The following MEI4 variants were observed in gnomAD, a reference collection of about 807,000 sequenced individuals.
MEI4 encodes the protein meiotic double-stranded break formation protein 4.
Under a neutral mutation model 31.4 loss-of-function variants are expected in MEI4, and 27 were observed. The observed-to-expected ratio is 0.86, with a 90% CI of 0.63 to 1.19. The LOEUF (loss-of-function observed/expected upper bound fraction) is 1.19. MEI4 is among the 50% of genes most tolerant of loss of function. The probability of loss-of-function intolerance (pLI) is 0.00; values close to 1 mark genes in which losing one functional copy is unlikely to be tolerated. For synonymous variants in MEI4, 122 were observed against 145.4 expected (o/e 0.84, Z 1.16); for missense variants, 329 against 398.9 (o/e 0.82, Z 1.49).
At chr6:77,906,362 C>T (rs1166927138) in intron 4 of MEI4, among the ~76,000 whole-genome samples, 1 of 152,008 alleles carries the variant, frequency 6.6e-6, no homozygotes, top group Non-Finnish European at 1.5e-5. Context: ...GTGTGTACAG[C>T]GGTGCTTGCT....
intron 3 of MEI4, among the ~76,000 whole-genome samples, chr6:77,798,644 C>G: frequency 9.5e-6 from 1 of 104,942 alleles, no homozygotes; most frequent in Non-Finnish European, 1.8e-5. Context: ...CCTCCCCCCT[C>G]CCCCCACCCC....
chr6:77,676,971 T>A (rs768547442), intron 1 of MEI4, among the ~76,000 whole-genome samples: 2 of 152,174 alleles, frequency 1.3e-5, no homozygotes, highest in African/African-American at 2.4e-5. Context: ...TTACACAGAA[T>A]GGTTATTAGA....
At chr6:77,694,661 G>T (rs34664919) in intron 2 of MEI4, among the ~76,000 whole-genome samples, 2 of 151,730 alleles carry the variant, frequency 1.3e-5, no homozygotes, top group African/African-American at 4.8e-5. Flanking sequence ...CCAGTCTATC[G>T]TTGTTGGACA....
intron 3 of MEI4, among the ~76,000 whole-genome samples, chr6:77,806,702 G>A (rs890946968): frequency 2.0e-5 from 3 of 152,144 alleles, no homozygotes; most frequent in Non-Finnish European, 4.4e-5. Context: ...TTTACTGAAT[G>A]TCTTAGATCA....
chr6:77,827,126 C>T (rs1769971425), intron 3 of MEI4, among the ~76,000 whole-genome samples: 1 of 151,936 alleles, frequency 6.6e-6, no homozygotes, highest in Non-Finnish European at 1.5e-5. Context: ...TTTGGGAGGC[C>T]AAGGCGGGCA....
intron 4 of MEI4, among the ~76,000 whole-genome samples, chr6:77,849,061 A>T (rs1029886434): frequency 1.3e-5 from 2 of 152,122 alleles, no homozygotes; most frequent in East Asian, 1.9e-4. Context: ...TTTTAATGGC[A>T]TCATTAGCAT....
intron 4 of MEI4, among the ~76,000 whole-genome samples, chr6:77,883,717 G>GAGATATATATATATATATAT (rs1554172068): frequency 2.3e-5 from 1 of 43,338 alleles, no homozygotes; most frequent in Non-Finnish European, 3.8e-5. Flanking sequence ...TATTATGTAA[G>GAGATATATATATATATATAT]ATATATATAT....
At chr6:77,659,928 G>C (rs1454685819) in intron 1 of MEI4, among the ~76,000 whole-genome samples, 1 of 152,136 alleles carries the variant, frequency 6.6e-6, no homozygotes, top group Non-Finnish European at 1.5e-5. Flanking sequence ...GTCCAAATAT[G>C]GGGGGAGTAG....
chr6:77,732,860 G>A (rs2127668575), intron 2 of MEI4, among the ~76,000 whole-genome samples: 1 of 151,954 alleles, frequency 6.6e-6, no homozygotes, highest in East Asian at 2.0e-4. Flanking sequence ...TTTGTCAAAG[G>A]CCTTTTGTGC....
chr6:77,684,235 C>G (rs754999571), intron 1 of MEI4, among the ~76,000 whole-genome samples: 1 of 151,936 alleles, frequency 6.6e-6, no homozygotes, highest in Non-Finnish European at 1.5e-5. Flanking sequence ...AATTTTAAAA[C>G]TCTTACGTTT....
chr6:77,745,125 A>G (rs1480538259), intron 2 of MEI4, among the ~76,000 whole-genome samples: 2 of 152,168 alleles, frequency 1.3e-5, no homozygotes, highest in Non-Finnish European at 2.9e-5. Context: ...AACAATATTA[A>G]CTTTAAATGT....
chr6:77,922,549 G>A (rs1022328468), intron 4 of MEI4, among the ~76,000 whole-genome samples: 1 of 151,488 alleles, frequency 6.6e-6, no homozygotes, highest in Non-Finnish European at 1.5e-5. Context: ...CAACCATCTA[G>A]TCCAAATTAA....
chr6:77,691,407 G>A lies in MEI4; in HGVS notation c.232+504G>A, dbSNP rs1769155419. Among the ~76,000 whole-genome samples the A allele has an allele frequency of 3.9e-5, 6 of 152,106 alleles. No homozygotes were observed. The South Asian group carries it at 1.2e-3, about 32-fold the overall frequency. On this transcript the variant is annotated intron_variant, in intron 2 of 4. Coordinates refer to ENST00000684080, the MANE Select transcript of MEI4 (RefSeq NM_001322247.2). ...TAGAGACTGACAAAATACAGAGGAGGAAGTTATTCCTTCTGCCTAGTTTCT... is the reference window on the plus strand; with the variant it reads ...TAGAGACTGACAAAATACAGAGGAGAAAGTTATTCCTTCTGCCTAGTTTCT...
chr6:77,905,237 C>A (rs1766267494), intron 4 of MEI4, among the ~76,000 whole-genome samples: 1 of 151,932 alleles, frequency 6.6e-6, no homozygotes, highest in Non-Finnish European at 1.5e-5. Flanking sequence ...TTGTATACAT[C>A]ATCTCTCTCT....
intron 4 of MEI4, among the ~76,000 whole-genome samples, chr6:77,853,044 C>A (rs34515535): frequency 0.092 from 14,004 of 152,042 alleles, 944 homozygotes; most frequent in East Asian, 0.31. Flanking sequence ...ACTAAAAATA[C>A]AAAACTAGCC....
At chr6:77,919,182 C>T (rs1414331443) in intron 4 of MEI4, among the ~76,000 whole-genome samples, 2 of 151,974 alleles carry the variant, frequency 1.3e-5, no homozygotes, top group African/African-American at 2.4e-5. Flanking sequence ...CACCCCAAAT[C>T]AACAGAATAT....
intron 4 of MEI4, among the ~76,000 whole-genome samples, chr6:77,890,808 G>A (rs1358511740): frequency 6.6e-6 from 1 of 152,134 alleles, no homozygotes; most frequent in Non-Finnish European, 1.5e-5. Context: ...TTGTGATAGT[G>A]AATGAGTTCT....
chr6:77,659,241 G>A (rs1480286163), intron 1 of MEI4, among the ~76,000 whole-genome samples: 1 of 152,120 alleles, frequency 6.6e-6, no homozygotes, highest in Non-Finnish European at 1.5e-5. Context: ...GTGTCATGAG[G>A]GGAACAGGGA....
At position 77,668,820 on chromosome 6, in the gene MEI4, ACTTT is replaced by A. The variant is rs1768684577; in HGVS notation, c.-15+15731_-15+15734del. ...CTTTTCTATAATCTATCATACCATA[ACTTT>A]CTAAGAGCAATGAGCATCCCACGGC... On this transcript the variant is annotated intron_variant, in intron 1 of 4. Coordinates refer to ENST00000684080, the MANE Select transcript of MEI4 (RefSeq NM_001322247.2). Among the ~76,000 whole-genome samples, 4 of 152,302 alleles carry A rather than the reference ACTTT, an allele frequency of 2.6e-5. No homozygotes were observed. The South Asian group carries it at 8.3e-4, about 32-fold the overall frequency.
Sources: allele counts gnomAD v4.1 joint callset (sites outside exome capture counted in the v4.1 genomes callset), GRCh38; gene constraint gnomAD v4.1.1; transcripts MANE v1.5; gene names NCBI Gene and HGNC (gene_info 2026-07-23, HGNC 2026-07-21).